NTRK1: variants seen among roughly 807,000 people sequenced by gnomAD.
The protein encoded by NTRK1 is neurotrophic receptor tyrosine kinase 1, also known as high affinity nerve growth factor receptor.
Under a neutral mutation model 86.8 loss-of-function variants are expected in NTRK1, and 62 were observed. The ratio of observed to expected loss-of-function variants is 0.71; its 90% confidence interval spans 0.58 to 0.88. NTRK1 has a LOEUF of 0.88. Ranked by LOEUF, NTRK1 falls within the 40% of genes least tolerant of loss-of-function variation. NTRK1 has a pLI of 0.00. For missense variants in NTRK1, 967 were observed against 1,078.4 expected (o/e 0.90, Z 1.45); for synonymous variants, 469 against 456.6 (o/e 1.03, Z -0.35).
At chr1:156,864,253 G>A in intron 1 of NTRK1, 101 bp from the exon 2 acceptor site, 1 of 1,082,946 alleles carries the variant, frequency 9.2e-7, no homozygotes, top group South Asian at 1.3e-5. Flanking sequence ...ATATGCGTGT[G>A]CATGTGGCAT....
rs1570912582 is a variant in NTRK1, at chr1:156,881,633, C to T, written c.2382C>T (p.Val794=). The change falls in exon 17 of 17, where the codon GTC becomes GTT. Residue 794 remains valine (V), a synonymous_variant. Transcript: ENST00000524377. ...LAQAPPVYLD[V]LG ...AGGCACCTCCTGTCTACCTGGATGT[C>T]CTGGGCTAGGGGGCCGGCCCAGGGG... is the stretch of plus-strand genomic sequence containing the variant. The T allele has an allele frequency of 1.2e-6, 2 of 1,606,400 alleles. No homozygotes were observed. The highest frequency in any genetic ancestry group is 1.7e-4 in the Middle Eastern group (1 of 5,762).
Position 156,860,952 on chromosome 1 carries a change from G to A in NTRK1, c.18G>A (p.Arg6=). The A allele has an allele frequency of 6.7e-7, 1 of 1,500,798 alleles. No individual in the cohort carries two copies. Among genetic ancestry groups the A allele is most frequent in the Non-Finnish European group, 8.8e-7 (1 of 1,133,170 alleles). 93.0% of individuals were successfully genotyped at this position (1,500,798 alleles called of 1,614,324 possible). A position where few individuals can be genotyped will look rare whatever the true frequency, so the allele number is the denominator to read the frequency against. The part of the protein sequence containing the change: MLRGG[R]RGQLGWHSWA... ...CCGCCGCGATGCTGCGAGGCGGACG[G>A]CGCGGGCAGCTTGGCTGGCACAGCT... The change falls in exon 1 of 17, where the codon CGG becomes CGA. Residue 6 remains arginine, a synonymous_variant. Transcript: ENST00000524377.
intron 1 of NTRK1, chr1:156,842,009 T>C: frequency 6.3e-7 from 1 of 1,581,916 alleles, no homozygotes; most frequent in Non-Finnish European, 8.6e-7. Context: ...TTGCCAAGGG[T>C]CTCACAGGCT....
intron 2 of NTRK1, chr1:156,844,960 T>C: frequency 6.5e-7 from 1 of 1,549,858 alleles, no homozygotes; most frequent in Non-Finnish European, 8.8e-7. Flanking sequence ...TTATGGGAAC[T>C]GAGAGGGGCA....
intron 1 of NTRK1, among the ~76,000 whole-genome samples, chr1:156,863,038 C>T (rs972254339): frequency 3.4e-5 from 5 of 148,884 alleles, no homozygotes; most frequent in Admixed American, 6.7e-5. Context: ...TTCTGAGAAC[C>T]GTCAGTGAGT....
intron 2 of NTRK1, chr1:156,846,663 G>C (rs1655023346): frequency 6.2e-7 from 1 of 1,614,090 alleles, no homozygotes; most frequent in African/African-American, 1.3e-5. Flanking sequence ...CCTGGCTCCT[G>C]GGTGCGGCTT....
intron 15 of NTRK1, 79 bp downstream of exon 15, chr1:156,879,441 GC>G: frequency 6.6e-7 from 1 of 1,517,594 alleles, no homozygotes; most frequent in Non-Finnish European, 8.9e-7. Context: ...CTGAGAGCCT[GC>G]CCTTGCTAGG....
At chr1:156,825,132 G>A (rs1405459760) in intron 1 of NTRK1, among the ~76,000 whole-genome samples, 1 of 151,972 alleles carries the variant, frequency 6.6e-6, no homozygotes, top group Non-Finnish European at 1.5e-5. Flanking sequence ...CAGGTGATCC[G>A]CCCGCCTCAG....
chr1:156,869,167 G>C (rs1247096631), intron 6 of NTRK1, among the ~76,000 whole-genome samples: 1 of 151,862 alleles, frequency 6.6e-6, no homozygotes, highest in Non-Finnish European at 1.5e-5. Context: ...CGCCTCTCGG[G>C]TTCAAGCGAT....
At position 156,874,785 on chromosome 1, in the gene NTRK1, A is replaced by G. The variant is rs556499641; in HGVS notation, c.1252-121A>G. On this transcript the variant is annotated intron_variant, in intron 10 of 16. Transcript: ENST00000524377. ...CCACTGCAGGGGTCCCCAGGGGAGG[A>G]TGAGGCAGGTCTGGAGACCTGGCTC... 689 of 1,167,482 alleles carry G rather than the reference A, an allele frequency of 5.9e-4. 4 individuals are homozygous for G. The African/African-American group carries it at 9.5e-3, about 16-fold the overall frequency. The allele number at this position is 1,167,482 out of a possible 1,614,324, so 72.3% of individuals were successfully genotyped here.
At chr1:156,840,548 G>T in intron 1 of NTRK1, 1 of 375,286 alleles carries the variant, frequency 2.7e-6, no homozygotes, top group Non-Finnish European at 5.0e-6. Context: ...CTGAGGGGCA[G>T]GGCCTCTAGG....
In NTRK1 at chr1:156,875,389, G is replaced by A. The variant is rs182274397; in HGVS notation, c.1355-131G>A. Reference sequence around the variant, plus strand: ...TGGTGCCCCCTTCCCCCTGCCTGCTGTCTCGCTCCCTAGCTTCTCAGTCTC... The same window carrying A: ...TGGTGCCCCCTTCCCCCTGCCTGCTATCTCGCTCCCTAGCTTCTCAGTCTC... On this transcript the variant is annotated intron_variant, in intron 11 of 16. Coordinates refer to ENST00000524377, the MANE Select transcript of NTRK1 (RefSeq NM_002529.4). 272 of 1,264,038 alleles carry A rather than the reference G, an allele frequency of 2.2e-4. 1 individual carries two copies. Among genetic ancestry groups the A allele is most frequent in the Non-Finnish European group, 2.9e-4 (250 of 876,284 alleles). The allele number at this position is 1,264,038 out of a possible 1,614,324, so 78.3% of individuals were successfully genotyped here. A position where few individuals can be genotyped will look rare whatever the true frequency, so the allele number is the denominator to read the frequency against.
intron 1 of NTRK1, among the ~76,000 whole-genome samples, chr1:156,829,219 C>T (rs986219149): frequency 6.6e-6 from 1 of 152,088 alleles, no homozygotes; most frequent in Non-Finnish European, 1.5e-5. Context: ...GAAGGCCTCT[C>T]CATGAGGTGA....
chr1:156,817,198 C>G (rs1442517153), intron 1 of NTRK1, among the ~76,000 whole-genome samples: 1 of 152,086 alleles, frequency 6.6e-6, no homozygotes, highest in African/African-American at 2.4e-5. Flanking sequence ...GCTTATGGAT[C>G]ATGCTTTGAG....
chr1:156,866,273 G>A (rs1027359489), intron 3 of NTRK1, among the ~76,000 whole-genome samples: 1 of 152,208 alleles, frequency 6.6e-6, no homozygotes, highest in African/African-American at 2.4e-5. Flanking sequence ...CCTGGCACAG[G>A]GCACAGGGCA....
At chr1:156,855,982 C>T (rs985472713), upstream of NTRK1, among the ~76,000 whole-genome samples, 3 of 151,368 alleles carry the variant, frequency 2.0e-5, no homozygotes, top group Non-Finnish European at 4.4e-5. Flanking sequence ...ACTCTGTTGC[C>T]CAGGCTAGAG....
rs1235381273 is a variant in NTRK1, at chr1:156,841,602, C to G, written c.-63-479C>G. 4 of 1,609,568 alleles carry G rather than the reference C, an allele frequency of 2.5e-6. No individual in the cohort carries two copies. In the African/African-American group the frequency reaches 5.3e-5, roughly 22 times the overall value. ...GTGCATTCCAAGGGATGGGGGTGTTCCAGGCCCCTCCCCAGATCCCGCCTC... is the reference window on the plus strand; with the variant it reads ...GTGCATTCCAAGGGATGGGGGTGTTGCAGGCCCCTCCCCAGATCCCGCCTC... On this transcript the variant is annotated intron_variant, in intron 1 of 16. Coordinates refer to the NTRK1 transcript ENST00000392302.
At chr1:156,871,484 C>T (rs1247006930) in intron 6 of NTRK1, 139 bp from the exon 7 acceptor site, 3 of 839,362 alleles carry the variant, frequency 3.6e-6, no homozygotes, top group African/African-American at 1.7e-5. Context: ...ACATTCTCTC[C>T]CACCCCTCTC....
chr1:156,871,544 GGGGCTCTCCAAA>G, intron 6 of NTRK1, 67 bp from the exon 7 acceptor site: 1 of 1,532,042 alleles, frequency 6.5e-7, no homozygotes, highest in Non-Finnish European at 9.0e-7. Flanking sequence ...TGGAGCCAGA[GGGGCTCTCCAAA>G]GACTTCAGCC....
Sources: gnomAD v4.1 joint callset for allele counts (sites outside exome capture counted in the v4.1 genomes callset) on GRCh38, gnomAD v4.1.1 for gene constraint, MANE v1.5 for transcripts, NCBI Gene and HGNC (gene_info 2026-07-23, HGNC 2026-07-21) for gene names.